Variants in CX3CR1 observed in about 807,000 individuals in gnomAD.
The protein encoded by CX3CR1 is C-X3-C motif chemokine receptor 1, also known as CX3C chemokine receptor 1.
For synonymous variants in CX3CR1, 168 were observed against 178.5 expected (o/e 0.94, Z 0.47); for missense variants, 363 against 432.4 (o/e 0.84, Z 1.42).
chr3:39,283,795 T>TA (rs1491542391), upstream of CX3CR1, among the ~76,000 whole-genome samples: 150 of 65,276 alleles, frequency 2.3e-3, 2 homozygotes, highest in East Asian at 0.011. Context: ...AAAAAAAAAA[T>TA]TATATATATA....
intron 1 of CX3CR1, among the ~76,000 whole-genome samples, chr3:39,277,905 A>G (rs1285658407): frequency 6.6e-6 from 1 of 152,178 alleles, no homozygotes; most frequent in African/African-American, 2.4e-5. Flanking sequence ...TCGTTTCTTG[A>G]GCATCAAAGA....
upstream of CX3CR1, chr3:39,280,554 G>A (rs1302914319): frequency 1.2e-6 from 1 of 825,456 alleles, no homozygotes; most frequent in African/African-American, 1.8e-5. Flanking sequence ...TGCATACTAA[G>A]TTTGAGAAGC....
intron 1 of CX3CR1, among the ~76,000 whole-genome samples, chr3:39,270,002 G>A (rs2040757695): frequency 6.6e-6 from 1 of 152,236 alleles, no homozygotes; most frequent in Non-Finnish European, 1.5e-5. Flanking sequence ...TGCCTCACAG[G>A]AGGCACAGCT....
chr3:39,289,860 T>G, the CX3CR1 span, among the ~76,000 whole-genome samples: 1 of 151,910 alleles, frequency 6.6e-6, no homozygotes, highest in Non-Finnish European at 1.5e-5. Flanking sequence ...AGCCAAGGAG[T>G]GAGGCCTCAG....
At chr3:39,283,835 ATATATAAT>A (rs1451634205), upstream of CX3CR1, among the ~76,000 whole-genome samples, 24 of 127,954 alleles carry the variant, frequency 1.9e-4, 1 homozygote, top group African/African-American at 4.3e-4. Flanking sequence ...ATATATATAT[ATATATAAT>A]GTGGTTAATA....
At chr3:39,281,143 A>G (rs2040893335), upstream of CX3CR1, 1 of 1,003,576 alleles carries the variant, frequency 1.0e-6, no homozygotes, top group Non-Finnish European at 1.2e-6. Flanking sequence ...TGGGGGCTGC[A>G]GTGCAGTGCT....
the CX3CR1 span, among the ~76,000 whole-genome samples, chr3:39,292,099 T>C: frequency 6.6e-6 from 1 of 152,344 alleles, no homozygotes; most frequent in Middle Eastern, 3.4e-3. Flanking sequence ...CAAGGTCCCC[T>C]CTAAGGCAAC....
Position 39,278,016 on chromosome 3 carries a change from C to T in CX3CR1, c.-10+1938G>A, listed in dbSNP as rs56402410. ...ATGGCTTCAAAGGCTGATGGACAATCTCCATTTTAAAAGCAGGAAACAGAC... is the reference window on the plus strand; with the variant it reads ...ATGGCTTCAAAGGCTGATGGACAATTTCCATTTTAAAAGCAGGAAACAGAC... On this transcript the variant is annotated intron_variant, in intron 1 of 1. Coordinates refer to ENST00000399220, the MANE Select transcript of CX3CR1 (RefSeq NM_001337.4). Among the ~76,000 whole-genome samples the T allele has an allele frequency of 5.4e-3, 823 of 152,294 alleles. 6 individuals carry two copies. Among genetic ancestry groups the T allele is most frequent in the African/African-American group, 0.018 (757 of 41,548 alleles).
chr3:39,278,989 C>T (rs144030848), intron 1 of CX3CR1, among the ~76,000 whole-genome samples: 256 of 152,142 alleles, frequency 1.7e-3, no homozygotes, highest in African/African-American at 5.4e-3. Context: ...GGAGAAACCC[C>T]GCCTCTACTA....
intron 1 of CX3CR1, among the ~76,000 whole-genome samples, chr3:39,276,929 G>A (rs1213716798): frequency 1.3e-5 from 2 of 152,172 alleles, no homozygotes; most frequent in East Asian, 3.9e-4. Flanking sequence ...GTCAGGAAGG[G>A]ACATGAGAGA....
At chr3:39,273,122 T>C (rs1385611620) in intron 1 of CX3CR1, among the ~76,000 whole-genome samples, 2 of 152,264 alleles carry the variant, frequency 1.3e-5, no homozygotes, top group Admixed American at 6.5e-5. Context: ...ATCTGCAGGA[T>C]ATTGCAGGCC....
chr3:39,270,338 T>A (rs965275674), intron 1 of CX3CR1, among the ~76,000 whole-genome samples: 2 of 152,236 alleles, frequency 1.3e-5, no homozygotes, highest in Non-Finnish European at 2.9e-5. Flanking sequence ...CTCAAGCAAG[T>A]GTGTACACTG....
At chr3:39,272,555 G>A (rs1436798216) in intron 1 of CX3CR1, among the ~76,000 whole-genome samples, 1 of 152,020 alleles carries the variant, frequency 6.6e-6, no homozygotes, top group Non-Finnish European at 1.5e-5. Context: ...TCTTCAATCT[G>A]ACATTCTTTT....
the CX3CR1 span, among the ~76,000 whole-genome samples, chr3:39,291,454 C>T: frequency 6.6e-6 from 1 of 152,222 alleles, no homozygotes. Context: ...TCTTTCCCCT[C>T]CCGCCTACTT....
At chr3:39,270,220 A>G (rs2040760621) in intron 1 of CX3CR1, among the ~76,000 whole-genome samples, 1 of 152,234 alleles carries the variant, frequency 6.6e-6, no homozygotes, top group Non-Finnish European at 1.5e-5. Flanking sequence ...CATCAAAACA[A>G]CAGCCTTAGC....
At chr3:39,290,525 C>T in the CX3CR1 span, among the ~76,000 whole-genome samples, 2 of 152,154 alleles carry the variant, frequency 1.3e-5, no homozygotes, top group Non-Finnish European at 2.9e-5. Context: ...AAAATAAAAT[C>T]TCGGGACCTT....
chr3:39,266,380 T>C lies in CX3CR1; in HGVS notation c.130A>G (p.Ile44Val), dbSNP rs1370950840. ...ACCAACAAATTTCCCACCAGGCCAA[T>C]GGCAAAGATGACGGAGTAGAATATG... ...LSIFYSVIFAIGLVGNLLVVF... is the reference protein window; with the variant it reads ...LSIFYSVIFAVGLVGNLLVVF... Residue 44 changes from isoleucine (I) to valine (V), a missense_variant, in exon 2 of 2, where the codon ATT (isoleucine) becomes GTT (valine). Physicochemically the swap from Ile to Val is conservative, Grantham distance 29 (BLOSUM62 3). Transcript: ENST00000399220. 1 of 1,614,032 alleles carries C rather than the reference T, an allele frequency of 6.2e-7. No homozygotes were observed. Among genetic ancestry groups the C allele is most frequent in the Admixed American group, 1.7e-5 (1 of 60,002 alleles).
chr3:39,269,444 C>T (rs1297791624), intron 1 of CX3CR1, among the ~76,000 whole-genome samples: 1 of 152,156 alleles, frequency 6.6e-6, no homozygotes, highest in Non-Finnish European at 1.5e-5. Context: ...CAGTCAGGTA[C>T]AGTCTAAGCC....
rs903398009 is a variant in CX3CR1 at position 39,265,208 on chromosome 3, T to C, written c.*234A>G. The C allele has an allele frequency of 1.5e-5, 7 of 465,520 alleles. No individual in the cohort carries two copies. The highest frequency in any genetic ancestry group is 5.6e-4 in the Middle Eastern group (1 of 1,794). The allele number at this position is 465,520 out of a possible 1,614,324, so 28.8% of individuals were successfully genotyped here. Reference sequence around the variant, plus strand: ...TTTTTGTCATCTGCAAACCAAAAAGTTCTGATGACATTTGCAGTAAGAGAA... The same window carrying C: ...TTTTTGTCATCTGCAAACCAAAAAGCTCTGATGACATTTGCAGTAAGAGAA... On this transcript the variant is annotated 3_prime_UTR_variant, in exon 2 of 2. Transcript: ENST00000399220.
Sources: gnomAD v4.1 joint callset for allele counts (sites outside exome capture counted in the v4.1 genomes callset) on GRCh38, gnomAD v4.1.1 for gene constraint, MANE v1.5 for transcripts, NCBI Gene and HGNC (gene_info 2026-07-23, HGNC 2026-07-21) for gene names.